Variants in ATF6 observed in about 807,000 individuals in gnomAD.
The protein encoded by ATF6 is activating transcription factor 6.
A neutral mutation model predicts 83.6 loss-of-function variants in ATF6; 53 were observed. The observed-to-expected ratio is 0.63, with a 90% CI of 0.51 to 0.80. The LOEUF is 0.80. Among genes scored for constraint, ATF6 ranks in the 30% least tolerant of loss-of-function variants. ATF6 has a pLI of 0.00. For missense variants in ATF6, 744 were observed against 797.9 expected (o/e 0.93, Z 0.81); for synonymous variants, 288 against 285.8 (o/e 1.01, Z -0.08).
intron 9 of ATF6, 94 bp from the exon 10 acceptor site, chr1:161,846,355 C>A: frequency 1.5e-6 from 2 of 1,375,314 alleles, no homozygotes; most frequent in Non-Finnish European, 9.8e-7. Context: ...CATGGATCTG[C>A]AAAGGAATTG....
chr1:161,817,022 A>C (rs1293462234), intron 7 of ATF6, among the ~76,000 whole-genome samples: 1 of 152,170 alleles, frequency 6.6e-6, no homozygotes, highest in African/African-American at 2.4e-5. Context: ...ATAGTATTGA[A>C]TATTTATTTT....
intron 14 of ATF6, among the ~76,000 whole-genome samples, chr1:161,889,187 A>C (rs1055736201): frequency 5.3e-5 from 8 of 152,228 alleles, no homozygotes; most frequent in African/African-American, 1.9e-4. Flanking sequence ...AGTTGAAGCT[A>C]TAATGCATTC....
chr1:161,785,027 A>G (rs543218126), intron 4 of ATF6, among the ~76,000 whole-genome samples: 3 of 152,314 alleles, frequency 2.0e-5, no homozygotes, highest in Admixed American at 6.5e-5. Flanking sequence ...GCTTTCCATG[A>G]TCTGGCCCCC....
chr1:161,869,679 C>T (rs1385675157), intron 14 of ATF6, among the ~76,000 whole-genome samples: 19 of 151,664 alleles, frequency 1.3e-4, no homozygotes, highest in Admixed American at 1.1e-3. Flanking sequence ...GTCTAAAGCA[C>T]ATTATAAAAA....
chr1:161,766,587 TG>T (rs1329730382), intron 1 of ATF6, 145 bp downstream of exon 1: 2 of 645,530 alleles, frequency 3.1e-6, no homozygotes, highest in Non-Finnish European at 5.4e-6. Context: ...TTCGTGCCCC[TG>T]GAAGAGTCTG....
chr1:161,902,207 G>T (rs1345948742), intron 14 of ATF6, among the ~76,000 whole-genome samples: 1 of 152,080 alleles, frequency 6.6e-6, no homozygotes, highest in Non-Finnish European at 1.5e-5. Context: ...AGTAAAAGTG[G>T]TATTGAAAAA....
At chr1:161,927,087 T>G (rs1489416049) in intron 15 of ATF6, among the ~76,000 whole-genome samples, 1 of 151,904 alleles carries the variant, frequency 6.6e-6, no homozygotes, top group Non-Finnish European at 1.5e-5. Context: ...GAGAGTTAAT[T>G]TACTGGAAAA....
At chr1:161,873,126 G>A (rs988612826) in intron 14 of ATF6, among the ~76,000 whole-genome samples, 5 of 151,494 alleles carry the variant, frequency 3.3e-5, no homozygotes, top group Non-Finnish European at 5.9e-5. Context: ...AAATAAAAGA[G>A]CGTATGGAAT....
At chr1:161,901,474 A>G (rs1485536750) in intron 14 of ATF6, among the ~76,000 whole-genome samples, 1 of 151,928 alleles carries the variant, frequency 6.6e-6, no homozygotes, top group African/African-American at 2.4e-5. Flanking sequence ...TTTAATGGAA[A>G]ATAATTATAT....
intron 9 of ATF6, among the ~76,000 whole-genome samples, chr1:161,833,332 C>G (rs12033202): frequency 0.14 from 21,545 of 152,102 alleles, 2,094 homozygotes; most frequent in East Asian, 0.31. Flanking sequence ...ACCAGAAACT[C>G]TAAAAATCAG....
chr1:161,783,353 C>G (rs780575989), intron 3 of ATF6, among the ~76,000 whole-genome samples: 1 of 152,002 alleles, frequency 6.6e-6, no homozygotes, highest in African/African-American at 2.4e-5. Context: ...TGGTAGATAT[C>G]GTATGGCTAA....
At chr1:161,789,178 A>T (rs574757182) in intron 4 of ATF6, among the ~76,000 whole-genome samples, 1 of 151,586 alleles carries the variant, frequency 6.6e-6, no homozygotes, top group Non-Finnish European at 1.5e-5. Flanking sequence ...TTGTTATTTT[A>T]AAATGTACAA....
intron 14 of ATF6, among the ~76,000 whole-genome samples, chr1:161,902,674 G>T (rs569404683): frequency 2.6e-5 from 4 of 152,170 alleles, no homozygotes; most frequent in Non-Finnish European, 5.9e-5. Context: ...ATTATAAATC[G>T]TTTGTGGTTA....
rs1329313859 is a variant in ATF6, at chr1:161,792,255, C to T, written c.616C>T (p.Gln206Ter). Reference sequence around the variant, plus strand: ...TGTTCCAGCAAAAACCATCATTATTCAGACAGTACCAACGCTTATGCCATT... The same window carrying T: ...TGTTCCAGCAAAAACCATCATTATTTAGACAGTACCAACGCTTATGCCATT... ...SSVPAKTIII[Q>*]TVPTLMPLAK... Residue 206 changes from glutamine (Q) to a stop codon, truncating the protein, a stop_gained, in exon 6 of 16, where the codon CAG becomes TAG. Coordinates refer to ENST00000367942, the MANE Select transcript of ATF6 (RefSeq NM_007348.4). LOFTEE classifies it high-confidence loss of function. The T allele has an allele frequency of 6.2e-7, 1 of 1,614,158 alleles. No homozygotes were observed. Among genetic ancestry groups the T allele is most frequent in the Admixed American group, 1.7e-5 (1 of 60,032 alleles).
intron 7 of ATF6, among the ~76,000 whole-genome samples, chr1:161,806,622 C>T (rs1685289656): frequency 6.6e-6 from 1 of 152,106 alleles, no homozygotes; most frequent in African/African-American, 2.4e-5. Flanking sequence ...GGCTCAGTCA[C>T]CCCACTGAAT....
rs761726374 is a variant in ATF6, at chr1:161,784,135, A to G, written c.354+39A>G. The G allele has an allele frequency of 6.4e-6, 9 of 1,406,446 alleles. No homozygotes were observed. In the East Asian group the frequency reaches 1.1e-4, roughly 18 times the overall value. The allele number at this position is 1,406,446 out of a possible 1,614,324, so 87.1% of individuals were successfully genotyped here. On this transcript the variant is annotated intron_variant, in intron 4 of 15. Transcript: ENST00000367942. ...CTTTTACAATGATTTTGGTTATAAT[A>G]TGCTATCTGGAAAATATGTATATGG...
intron 15 of ATF6, among the ~76,000 whole-genome samples, chr1:161,925,416 C>A (rs898409023): frequency 1.3e-5 from 2 of 151,250 alleles, no homozygotes; most frequent in Non-Finnish European, 2.9e-5. Context: ...GGATTTTTGG[C>A]CTGAATTTAG....
chr1:161,879,433 C>A (rs1687281446), intron 14 of ATF6, among the ~76,000 whole-genome samples: 1 of 151,826 alleles, frequency 6.6e-6, no homozygotes, highest in African/African-American at 2.4e-5. Flanking sequence ...AGACACAGCC[C>A]CTGTACTCAA....
At chr1:161,905,978 G>T (rs910660316) in intron 14 of ATF6, among the ~76,000 whole-genome samples, 1 of 152,042 alleles carries the variant, frequency 6.6e-6, no homozygotes, top group Non-Finnish European at 1.5e-5. Flanking sequence ...GACCACAGGC[G>T]CCTGCCACCA....
Sources: allele counts gnomAD v4.1 joint callset (sites outside exome capture counted in the v4.1 genomes callset), GRCh38; gene constraint gnomAD v4.1.1; transcripts MANE v1.5; gene names NCBI Gene and HGNC (gene_info 2026-07-23, HGNC 2026-07-21).